ARHGAP26: variants seen among roughly 807,000 people sequenced by gnomAD.
ARHGAP26 encodes the protein rho GTPase-activating protein 26.
In ARHGAP26, 38 loss-of-function variants were observed where a neutral mutation model predicts 104.8. The ratio of observed to expected loss-of-function variants is 0.36; its 90% CI spans 0.28 to 0.48. The LOEUF is 0.48. ARHGAP26 is among the 20% of genes least tolerant of loss of function. The pLI is 0.99. For synonymous variants in ARHGAP26, 341 were observed against 340.0 expected (o/e 1.00, Z -0.03); for missense variants, 704 against 947.9 (o/e 0.74, Z 3.38).
chr5:143,221,396 T>C, intron 22 of ARHGAP26, among the ~76,000 whole-genome samples: 1 of 138,758 alleles, frequency 7.2e-6, no homozygotes, highest in East Asian at 2.1e-4. Context: ...GAAATGGCTA[T>C]TCAAAGGCTA....
At chr5:143,148,555 T>C (rs1799428713) in intron 20 of ARHGAP26, among the ~76,000 whole-genome samples, 1 of 152,206 alleles carries the variant, frequency 6.6e-6, no homozygotes, top group African/African-American at 2.4e-5. Context: ...CATACTGATG[T>C]TCAGGAAGTT....
At chr5:143,073,627 T>C (rs539126975) in intron 17 of ARHGAP26, among the ~76,000 whole-genome samples, 1 of 152,234 alleles carries the variant, frequency 6.6e-6, no homozygotes, top group African/African-American at 2.4e-5. Flanking sequence ...CTTAGGCTAA[T>C]GTACCAGGCC....
At chr5:143,006,316 CTTTTTTTTTTTT>C (rs34154406) in intron 11 of ARHGAP26, among the ~76,000 whole-genome samples, 4 of 112,874 alleles carry the variant, frequency 3.5e-5, no homozygotes, top group South Asian at 6.0e-4. Context: ...AGTGTTTTTT[CTTTTTTTTTTTT>C]TTTTTTTTTT....
intron 1 of ARHGAP26, among the ~76,000 whole-genome samples, chr5:142,819,602 T>C (rs3733734): frequency 0.1 from 15,432 of 152,130 alleles, 1,255 homozygotes; most frequent in African/African-American, 0.22. Context: ...TTACACAAAC[T>C]GATGTTACCT....
intron 1 of ARHGAP26, among the ~76,000 whole-genome samples, chr5:142,836,332 A>G (rs1337311991): frequency 1.3e-5 from 2 of 152,136 alleles, no homozygotes; most frequent in African/African-American, 4.8e-5. Flanking sequence ...CCGGTGATGA[A>G]CCAGTCATAT....
At chr5:142,775,043 T>C (rs890036219) in intron 1 of ARHGAP26, among the ~76,000 whole-genome samples, 14 of 152,214 alleles carry the variant, frequency 9.2e-5, no homozygotes, top group African/African-American at 3.1e-4. Context: ...ATATAAACAT[T>C]TGCGTGCAGT....
At chr5:143,057,055 G>C (rs1442513823) in intron 16 of ARHGAP26, among the ~76,000 whole-genome samples, 1 of 152,146 alleles carries the variant, frequency 6.6e-6, no homozygotes, top group Admixed American at 6.5e-5. Context: ...CACTTACCTT[G>C]GTTCAACCAA....
intron 11 of ARHGAP26, among the ~76,000 whole-genome samples, chr5:142,948,895 A>G (rs1767590691): frequency 3.3e-5 from 5 of 151,988 alleles, no homozygotes; most frequent in Admixed American, 1.3e-4. Flanking sequence ...ACCTGAGGTC[A>G]GGAGTTTGAG....
At chr5:143,206,455 G>A (rs1808566947) in intron 20 of ARHGAP26, among the ~76,000 whole-genome samples, 1 of 152,198 alleles carries the variant, frequency 6.6e-6, no homozygotes, top group Non-Finnish European at 1.5e-5. Context: ...ACCCGTCAAG[G>A]AACAAAATGA....
chr5:142,962,465 C>A lies in ARHGAP26; in HGVS notation c.1107+30340C>A, dbSNP rs1040586784. ...CACCCTTTATGCCCCATTTCTAGATCATTTCATTGTTGAATAATAATATGA... is the reference window on the plus strand; with the variant it reads ...CACCCTTTATGCCCCATTTCTAGATAATTTCATTGTTGAATAATAATATGA... On this transcript the variant is annotated intron_variant, in intron 11 of 22. Coordinates refer to ENST00000645722, the MANE Select transcript of ARHGAP26 (RefSeq NM_001135608.3). Among the ~76,000 whole-genome samples, 8 of 152,278 alleles carry A rather than the reference C, an allele frequency of 5.3e-5. No homozygotes were observed. In the East Asian group the frequency reaches 9.7e-4, roughly 18 times the overall value.
rs77250192 is a variant in ARHGAP26, at chr5:143,222,788, G to C, written c.*342G>C. 3.0e-3 allele frequency: 734 copies of C among 248,360 alleles called. 3 individuals are homozygous for C. Among genetic ancestry groups the C allele is most frequent in the African/African-American group, 0.015 (676 of 46,136 alleles). The allele number at this position is 248,360 out of a possible 1,614,324, so 15.4% of individuals were successfully genotyped here. A position where few individuals can be genotyped will look rare whatever the true frequency, so the allele number is the denominator to read the frequency against. ...CCCAACCTTCAGAAAGAGGAAGTCA[G>C]ATAGAAATAGTCCCTGAGAGCACAC... is the stretch of plus-strand genomic sequence containing the variant. On this transcript the variant is annotated 3_prime_UTR_variant, in exon 23 of 23. Transcript: ENST00000645722.
chr5:142,884,935 C>A (rs767594497), intron 4 of ARHGAP26, among the ~76,000 whole-genome samples: 3 of 152,166 alleles, frequency 2.0e-5, no homozygotes, highest in Non-Finnish European at 2.9e-5. Flanking sequence ...TTCATAGGTA[C>A]CCCCACTGCT....
chr5:142,919,096 C>G, intron 10 of ARHGAP26: 1 of 397,318 alleles, frequency 2.5e-6, no homozygotes, highest in East Asian at 3.6e-5. Flanking sequence ...AAGTCCTAAT[C>G]CCCAGTATCT....
At chr5:143,042,029 C>T (rs928129614) in intron 14 of ARHGAP26, 139 bp downstream of exon 14, 2 of 700,386 alleles carry the variant, frequency 2.9e-6, no homozygotes, top group African/African-American at 1.8e-5. Flanking sequence ...GTCATCTGCC[C>T]CATCGGTCAG....
At chr5:143,150,248 T>C (rs1799665129) in intron 20 of ARHGAP26, among the ~76,000 whole-genome samples, 1 of 152,174 alleles carries the variant, frequency 6.6e-6, no homozygotes, top group Non-Finnish European at 1.5e-5. Context: ...GCTGAACCTA[T>C]TTTATGCCCA....
intron 1 of ARHGAP26, among the ~76,000 whole-genome samples, chr5:142,834,996 A>T (rs192958890): frequency 1.3e-5 from 2 of 152,352 alleles, no homozygotes; most frequent in Admixed American, 1.3e-4. Context: ...CACCTGGTTC[A>T]CGTGTGAACA....
intron 11 of ARHGAP26, among the ~76,000 whole-genome samples, chr5:142,942,230 A>G (rs541906023): frequency 2.8e-4 from 43 of 152,350 alleles, no homozygotes; most frequent in African/African-American, 9.6e-4. Context: ...ACCAGAATTT[A>G]GCTCAGAGAT....
chr5:142,855,160 A>G (rs1283272529), intron 1 of ARHGAP26, among the ~76,000 whole-genome samples: 1 of 152,340 alleles, frequency 6.6e-6, no homozygotes, highest in East Asian at 1.9e-4. Context: ...GTTTTAGAAC[A>G]TAAATGCTCT....
intron 1 of ARHGAP26, among the ~76,000 whole-genome samples, chr5:142,841,731 C>T (rs927120495): frequency 6.6e-6 from 1 of 152,222 alleles, no homozygotes; most frequent in South Asian, 2.1e-4. Context: ...CAACGCATCC[C>T]TCTGGCTGGA....
Sources: allele counts gnomAD v4.1 joint callset (sites outside exome capture counted in the v4.1 genomes callset), GRCh38; gene constraint gnomAD v4.1.1; transcripts MANE v1.5; gene names NCBI Gene and HGNC (gene_info 2026-07-23, HGNC 2026-07-21).